SPAG16: variants seen among roughly 807,000 people sequenced by gnomAD.
SPAG16 encodes the protein sperm associated antigen 16, also known as sperm-associated antigen 16 protein.
A neutral mutation model predicts 80.4 loss-of-function variants in SPAG16; 86 were observed. The observed-to-expected ratio is 1.07, with a 90% confidence interval of 0.90 to 1.28. SPAG16 has a LOEUF of 1.28. Ranked by LOEUF, SPAG16 falls within the 50% of genes most tolerant of loss-of-function variation. The pLI is 0.00. For synonymous variants in SPAG16, 294 were observed against 265.9 expected (o/e 1.11, Z -1.03); for missense variants, 870 against 765.3 (o/e 1.14, Z -1.61).
intron 14 of SPAG16, among the ~76,000 whole-genome samples, chr2:214,113,494 T>C (rs2053780399): frequency 6.6e-6 from 1 of 152,234 alleles, no homozygotes; most frequent in South Asian, 2.1e-4. Flanking sequence ...CATAGTCCCA[T>C]ATTGTTTGGA....
intron 11 of SPAG16, among the ~76,000 whole-genome samples, chr2:213,880,381 T>C (rs1281769580): frequency 6.6e-6 from 1 of 152,244 alleles, no homozygotes; most frequent in Non-Finnish European, 1.5e-5. Flanking sequence ...TATTAAACTT[T>C]TGCCAGATGC....
chr2:214,013,479 T>TGA (rs2047421428), intron 12 of SPAG16, among the ~76,000 whole-genome samples: 3 of 152,168 alleles, frequency 2.0e-5, no homozygotes, highest in African/African-American at 7.2e-5. Context: ...GACCAGTCTC[T>TGA]CCCTATTCTC....
intron 15 of SPAG16, among the ~76,000 whole-genome samples, chr2:214,257,557 C>G (rs1314242737): frequency 6.6e-6 from 1 of 151,974 alleles, no homozygotes; most frequent in Non-Finnish European, 1.5e-5. Context: ...GAGTGTTGAT[C>G]ATCAAATGCT....
At chr2:213,740,784 G>C (rs2067513724) in intron 10 of SPAG16, among the ~76,000 whole-genome samples, 1 of 152,146 alleles carries the variant, frequency 6.6e-6, no homozygotes. Flanking sequence ...GGTAAAGATG[G>C]GGCGTGAAGG....
rs76416819 is a variant in SPAG16, at chr2:214,018,372, G to A, written c.1527+4295G>A. Among the ~76,000 whole-genome samples the A allele has an allele frequency of 7.2e-5, 11 of 152,162 alleles. No individual in the cohort carries two copies. In the East Asian group the frequency reaches 1.9e-3, roughly 27 times the overall value. Reference sequence around the variant, plus strand: ...TGTTATATGTTGTCTGTATAATATGGAATTGTTAGTTGTTTTTTATCCCAG... The same window carrying A: ...TGTTATATGTTGTCTGTATAATATGAAATTGTTAGTTGTTTTTTATCCCAG... On this transcript the variant is annotated intron_variant, in intron 13 of 15. Transcript: ENST00000331683.
rs1286363943 is a variant in SPAG16, at chr2:214,012,282, A to ATTTTTTTTT, written c.1401-1668_1401-1667insTTTTTTTTT. Among the ~76,000 whole-genome samples, 160 of 50,634 alleles carry ATTTTTTTTT rather than the reference A, an allele frequency of 3.2e-3. 7 individuals carry two copies. The highest frequency in any genetic ancestry group is 4.6e-3 in the South Asian group (3 of 648). 33.2% of individuals were successfully genotyped at this position (50,634 alleles called of 152,430 possible). ...TACATATATATATATATATATATAT[A>ATTTTTTTTT]TATATATTTTTTTTTTTTTTTTTTT... On this transcript the variant is annotated intron_variant, in intron 12 of 15. Transcript: ENST00000331683.
At chr2:213,318,383 A>G in intron 5 of SPAG16, among the ~76,000 whole-genome samples, 1 of 152,056 alleles carries the variant, frequency 6.6e-6, no homozygotes, top group South Asian at 2.1e-4. Context: ...CCTCACCCTT[A>G]GTGAAATGAC....
At chr2:214,104,589 A>G (rs555518515) in intron 13 of SPAG16, among the ~76,000 whole-genome samples, 1 of 149,590 alleles carries the variant, frequency 6.7e-6, no homozygotes, top group Non-Finnish European at 1.5e-5. Flanking sequence ...GAAGAAAAAG[A>G]GGTATTCTTA....
intron 10 of SPAG16, among the ~76,000 whole-genome samples, chr2:213,769,868 C>T (rs1311939184): frequency 1.3e-5 from 2 of 152,176 alleles, no homozygotes; most frequent in Non-Finnish European, 2.9e-5. Context: ...CCTATCAAGA[C>T]ATGGAACATT....
chr2:213,938,472 TTA>T (rs1402090659), intron 12 of SPAG16, among the ~76,000 whole-genome samples: 1 of 152,022 alleles, frequency 6.6e-6, no homozygotes, highest in Non-Finnish European at 1.5e-5. Context: ...AAAATTAATT[TTA>T]GAGTGGCAAA....
At chr2:214,375,233 T>C (rs1700057743) in intron 15 of SPAG16, among the ~76,000 whole-genome samples, 1 of 152,162 alleles carries the variant, frequency 6.6e-6, no homozygotes, top group Non-Finnish European at 1.5e-5. Context: ...AATGGTTTTC[T>C]AGTGTAAATA....
At chr2:214,003,189 T>C (rs1018736010) in intron 12 of SPAG16, among the ~76,000 whole-genome samples, 13 of 152,216 alleles carry the variant, frequency 8.5e-5, no homozygotes, top group Admixed American at 1.3e-4. Flanking sequence ...GACCAGTTAA[T>C]ATATTTAAAA....
At chr2:214,020,419 T>C (rs2047804069) in intron 13 of SPAG16, among the ~76,000 whole-genome samples, 1 of 152,196 alleles carries the variant, frequency 6.6e-6, no homozygotes, top group South Asian at 2.1e-4. Flanking sequence ...AAATTCCATG[T>C]TTCTTTTATA....
intron 10 of SPAG16, among the ~76,000 whole-genome samples, chr2:213,602,785 G>C (rs1299328631): frequency 6.6e-6 from 1 of 151,956 alleles, no homozygotes; most frequent in East Asian, 1.9e-4. Context: ...CAATTTCTTA[G>C]TTTTATATAT....
At chr2:213,366,850 C>T (rs976763502) in intron 8 of SPAG16, among the ~76,000 whole-genome samples, 2 of 152,028 alleles carry the variant, frequency 1.3e-5, no homozygotes, top group Non-Finnish European at 2.9e-5. Flanking sequence ...AGGTTTGTTA[C>T]ATACGTATAC....
rs2062222171 is a variant in SPAG16, at chr2:213,290,360, TG to T, written c.137-5701del. ...CCTGGCCTGGACTTGGATGGTACTG[TG>T]GGCTGTGGCTTCAGGGCAGGGAGAA... On this transcript the variant is annotated intron_variant, in intron 1 of 15. Coordinates refer to ENST00000331683, the MANE Select transcript of SPAG16 (RefSeq NM_024532.5). Among the ~76,000 whole-genome samples, 4 of 152,248 alleles carry T rather than the reference TG, an allele frequency of 2.6e-5. No homozygotes were observed. The South Asian group carries it at 8.3e-4, about 32-fold the overall frequency.
At chr2:213,457,024 C>G (rs9288468) in intron 9 of SPAG16, among the ~76,000 whole-genome samples, 1 of 150,966 alleles carries the variant, frequency 6.6e-6, no homozygotes, top group Non-Finnish European at 1.5e-5. Flanking sequence ...CCTAAATGTT[C>G]GCATTGCATT....
intron 15 of SPAG16, among the ~76,000 whole-genome samples, chr2:214,206,140 G>C (rs998239534): frequency 1.3e-5 from 2 of 152,154 alleles, no homozygotes; most frequent in African/African-American, 4.8e-5. Flanking sequence ...AGTTTGCAGT[G>C]AGCCGAGATT....
At chr2:213,640,218 A>C (rs1260795306) in intron 10 of SPAG16, among the ~76,000 whole-genome samples, 1 of 152,084 alleles carries the variant, frequency 6.6e-6, no homozygotes, top group Non-Finnish European at 1.5e-5. Context: ...TAGCTTAATA[A>C]TTGACCTTCT....
Sources: gnomAD v4.1 joint callset for allele counts (sites outside exome capture counted in the v4.1 genomes callset) on GRCh38, gnomAD v4.1.1 for gene constraint, MANE v1.5 for transcripts, NCBI Gene and HGNC (gene_info 2026-07-23, HGNC 2026-07-21) for gene names.